ATAD2B: variants seen among roughly 807,000 people sequenced by gnomAD.
ATAD2B encodes the protein ATPase family AAA domain containing 2B.
Under a neutral mutation model 167.6 loss-of-function variants are expected in ATAD2B, and 40 were observed. That is an observed-to-expected ratio of 0.24 (90% CI 0.19 to 0.31). The LOEUF is 0.31. Among genes scored for constraint, ATAD2B ranks in the 10% least tolerant of loss-of-function variants. The pLI is 1.00. For missense variants in ATAD2B, 1,242 were observed against 1,757.2 expected (o/e 0.71, Z 5.24); for synonymous variants, 579 against 596.5 (o/e 0.97, Z 0.43).
At chr2:23,748,508 G>A (rs1040551701), downstream of ATAD2B, among the ~76,000 whole-genome samples, 4 of 152,092 alleles carry the variant, frequency 2.6e-5, no homozygotes, top group South Asian at 2.1e-4. Flanking sequence ...CTAAAAAATC[G>A]TGAGGTGTAC....
intron 1 of ATAD2B, among the ~76,000 whole-genome samples, chr2:23,925,322 G>T (rs577261736): frequency 1.3e-5 from 2 of 152,112 alleles, no homozygotes; most frequent in East Asian, 3.8e-4. Context: ...GATTTTCAAA[G>T]ATATAATAAA....
In ATAD2B at chr2:23,829,730, T is replaced by C. The variant is rs573952152; in HGVS notation, c.1729-791A>G. Among the ~76,000 whole-genome samples the C allele has an allele frequency of 1.8e-4, 27 of 152,282 alleles. No homozygotes were observed. In the South Asian group the frequency reaches 5.6e-3, roughly 32 times the overall value. On this transcript the variant is annotated intron_variant, in intron 14 of 27. Transcript: ENST00000238789. ...GTGATTACGCCACTGCATGCCAGCC[T>C]GGGTGATAAGAGTGAGATCCTGTCT...
rs368306857 is a variant in ATAD2B at position 23,880,626 on chromosome 2, T to C, written c.901+13A>G. The C allele has an allele frequency of 6.4e-5, 95 of 1,473,752 alleles. No individual in the cohort carries two copies. The highest frequency in any genetic ancestry group is 1.7e-4 in the Middle Eastern group (1 of 5,796). 91.3% of individuals were successfully genotyped at this position (1,473,752 alleles called of 1,614,324 possible). ...AACTACCAGAAAGAAAAAAGTTATTTAGAGTTGCCTACCTATTGGAGGTGC... is the reference window on the plus strand; with the variant it reads ...AACTACCAGAAAGAAAAAAGTTATTCAGAGTTGCCTACCTATTGGAGGTGC... On this transcript the variant is annotated intron_variant, in intron 7 of 27. Transcript: ENST00000238789.
chr2:23,813,250 A>G (rs1455531941), intron 17 of ATAD2B, among the ~76,000 whole-genome samples: 3 of 151,178 alleles, frequency 2.0e-5, no homozygotes, highest in African/African-American at 7.3e-5. Flanking sequence ...GAAATAATTT[A>G]TATGCATATG....
chr2:23,880,051 T>C (rs1280115972), intron 7 of ATAD2B, among the ~76,000 whole-genome samples: 1 of 148,882 alleles, frequency 6.7e-6, no homozygotes, highest in Non-Finnish European at 1.5e-5. Flanking sequence ...GCAGACTCTG[T>C]TTTTAAAAAA....
At chr2:23,885,267 A>G (rs1246498873) in intron 5 of ATAD2B, among the ~76,000 whole-genome samples, 1 of 152,252 alleles carries the variant, frequency 6.6e-6, no homozygotes, top group Non-Finnish European at 1.5e-5. Flanking sequence ...GAGAGGCAGT[A>G]TCTGAAATGA....
intron 16 of ATAD2B, among the ~76,000 whole-genome samples, chr2:23,821,811 T>C (rs1267320957): frequency 6.6e-6 from 1 of 152,152 alleles, no homozygotes; most frequent in Non-Finnish European, 1.5e-5. Context: ...AAATTTTATT[T>C]ATTTATTTTT....
In ATAD2B at chr2:23,779,268, C is replaced by T. The variant is rs528119238; in HGVS notation, c.3133+3601G>A. Among the ~76,000 whole-genome samples the T allele has an allele frequency of 1.3e-4, 20 of 149,588 alleles. No individual in the cohort carries two copies. In the East Asian group the frequency reaches 2.8e-3, roughly 21 times the overall value. On this transcript the variant is annotated intron_variant, in intron 22 of 27. Coordinates refer to ENST00000238789, the MANE Select transcript of ATAD2B (RefSeq NM_017552.4). ...TCAGCTCACTGCAAGCTCCGCCTCC[C>T]GGGTTCATGCTATTCCCCTGCCTCA... is the stretch of plus-strand genomic sequence containing the variant.
chr2:23,851,649 G>A (rs1340730204), intron 13 of ATAD2B, among the ~76,000 whole-genome samples: 3 of 152,092 alleles, frequency 2.0e-5, no homozygotes, highest in Non-Finnish European at 2.9e-5. Context: ...TAAGGTTCAC[G>A]CTTGATGATA....
At chr2:23,825,109 ATTTTTT>A (rs70941593) in intron 15 of ATAD2B, among the ~76,000 whole-genome samples, 28 of 111,526 alleles carry the variant, frequency 2.5e-4, no homozygotes, top group African/African-American at 8.2e-4. Flanking sequence ...CATCAGGCTA[ATTTTTT>A]TTTTTTTTTT....
At chr2:23,922,014 G>C (rs1704004487) in intron 1 of ATAD2B, among the ~76,000 whole-genome samples, 1 of 152,020 alleles carries the variant, frequency 6.6e-6, no homozygotes, top group South Asian at 2.1e-4. Flanking sequence ...GGTGATAAAA[G>C]TATACTAAAG....
intron 25 of ATAD2B, chr2:23,755,168 A>AT: frequency 6.6e-6 from 1 of 151,026 alleles, no homozygotes; most frequent in Non-Finnish European, 1.5e-5. Context: ...GCAGATACTA[A>AT]CAAAAGTGGG....
chr2:23,710,518 C>T, the ATAD2B span, among the ~76,000 whole-genome samples: 376 of 152,272 alleles, frequency 2.5e-3, 2 homozygotes, highest in African/African-American at 8.3e-3. Context: ...GTGAGGCAGA[C>T]GCCGGGTATC....
Position 23,803,338 on chromosome 2 carries a change from A to ACACACACACG in ATAD2B, c.2455-5016_2455-5015insCGTGTGTGTG, listed in dbSNP as rs756577548. ...TACACACACACACACACACACACAC[A>ACACACACACG]CGCGCACGCATTTGTTTCAGTAATA... On this transcript the variant is annotated intron_variant, in intron 18 of 27. Coordinates refer to ENST00000238789, the MANE Select transcript of ATAD2B (RefSeq NM_017552.4). 1.3e-3 allele frequency among the ~76,000 whole-genome samples: 191 copies of ACACACACACG among 150,686 alleles called. 1 individual carries two copies. In the South Asian group the frequency reaches 0.019, roughly 15 times the overall value.
intron 18 of ATAD2B, among the ~76,000 whole-genome samples, chr2:23,803,074 A>G (rs1391329839): frequency 6.6e-6 from 1 of 152,196 alleles, no homozygotes; most frequent in Admixed American, 6.6e-5. Flanking sequence ...ATAGAAATAT[A>G]CAGGAGGCAA....
chr2:23,718,427 A>C, the ATAD2B span, among the ~76,000 whole-genome samples: 2 of 152,174 alleles, frequency 1.3e-5, no homozygotes, highest in African/African-American at 4.8e-5. Flanking sequence ...CCTGAGAGTC[A>C]GGGGAAGATC....
the ATAD2B span, chr2:23,695,593 TAAG>T: frequency 1.1e-5 from 17 of 1,496,026 alleles, no homozygotes; most frequent in Admixed American, 2.2e-5. This position sits in a 1 kb window ranked among gnomAD's most constrained non-coding sequence, Gnocchi z 7.6. Flanking sequence ...CTTGCTAGTC[TAAG>T]AAGATTCTGT....
chr2:23,922,893 T>C (rs1044590734), intron 1 of ATAD2B, among the ~76,000 whole-genome samples: 3 of 152,164 alleles, frequency 2.0e-5, no homozygotes, highest in Admixed American at 2.0e-4. Context: ...AAGGGAATCC[T>C]GGTACATGTC....
chr2:23,784,919 G>T (rs925602657), intron 21 of ATAD2B, among the ~76,000 whole-genome samples: 1 of 152,028 alleles, frequency 6.6e-6, no homozygotes, highest in Non-Finnish European at 1.5e-5. Context: ...TCAAGTCTTG[G>T]CTATGTCACT....
Sources: gnomAD v4.1 joint callset for allele counts (sites outside exome capture counted in the v4.1 genomes callset) on GRCh38, gnomAD v4.1.1 for gene constraint, Gnocchi (gnomAD v3.1) non-coding constraint, MANE v1.5 for transcripts, NCBI Gene and HGNC (gene_info 2026-07-23, HGNC 2026-07-21) for gene names.